The following HIF1A variants were observed in gnomAD, a reference collection of about 807,000 sequenced individuals.
HIF1A encodes the protein hypoxia inducible factor 1 subunit alpha, also known as hypoxia-inducible factor 1-alpha.
HIF1A carries 24 observed loss-of-function variants against 92.7 expected under a neutral mutation model. The observed-to-expected ratio is 0.26, with a 90% CI of 0.19 to 0.36. The LOEUF (loss-of-function observed/expected upper bound fraction) is 0.36, where lower values mean the gene tolerates loss of function less well. Among genes scored for constraint, HIF1A ranks in the 10% least tolerant of loss-of-function variants. The pLI is 1.00. For missense variants in HIF1A, 799 were observed against 998.5 expected (o/e 0.80, Z 2.69); for synonymous variants, 319 against 338.7 (o/e 0.94, Z 0.64).
chr14:61,732,576 C>T (rs1419103302), intron 7 of HIF1A, 52 bp downstream of exon 7: 6 of 1,124,784 alleles, frequency 5.3e-6, no homozygotes, highest in Admixed American at 5.3e-5. Flanking sequence ...ACTGTTGCAA[C>T]CTCTGTACAG....
chr14:61,717,652 T>G (rs1473561963), intron 1 of HIF1A, among the ~76,000 whole-genome samples: 1 of 152,202 alleles, frequency 6.6e-6, no homozygotes, highest in Non-Finnish European at 1.5e-5. Context: ...CCTTAGATAG[T>G]CATTGCTATC....
chr14:61,708,906 C>CT (rs1008017951), intron 1 of HIF1A, among the ~76,000 whole-genome samples: 12 of 151,848 alleles, frequency 7.9e-5, no homozygotes, highest in African/African-American at 2.2e-4. Context: ...CACAATACTT[C>CT]TTTTTTTTGA....
intron 12 of HIF1A, among the ~76,000 whole-genome samples, chr14:61,742,477 C>T (rs2044723730): frequency 6.6e-6 from 1 of 152,152 alleles, no homozygotes; most frequent in Admixed American, 6.5e-5. Context: ...ACTTTATTTA[C>T]TGTGTCACTT....
At chr14:61,745,957 C>T (rs4902082) in intron 14 of HIF1A, 140 bp downstream of exon 14, 515,739 of 683,128 alleles carry the variant, frequency 0.75, 204,709 homozygotes, top group Non-Finnish European at 0.82. Context: ...GGCGCGGTGG[C>T]TCACACCTGT....
At chr14:61,720,137 C>T (rs749782590) in intron 1 of HIF1A, among the ~76,000 whole-genome samples, 7 of 152,104 alleles carry the variant, frequency 4.6e-5, no homozygotes, top group Non-Finnish European at 7.4e-5. Context: ...CACCTGCTTC[C>T]GACAGGTTTA....
intron 10 of HIF1A, among the ~76,000 whole-genome samples, chr14:61,739,529 C>T (rs947954979): frequency 6.6e-5 from 10 of 152,162 alleles, no homozygotes; most frequent in Non-Finnish European, 1.5e-5. Flanking sequence ...TGACATCTCA[C>T]AGCCTTGTGT....
In HIF1A at chr14:61,721,659, A is replaced by G. The variant is rs2044428496; in HGVS notation, c.372+5A>G. The G allele has an allele frequency of 6.2e-7, 1 of 1,612,364 alleles. No individual in the cohort carries two copies. The highest frequency in any genetic ancestry group is 8.5e-7 in the Non-Finnish European group (1 of 1,178,646). The stretch of plus-strand genomic sequence containing the variant: ...AAATACATGGGATTAACTCAGGTAA[A>G]ATGCACACATATTAAGAGCTCTTCT... On this transcript the variant is annotated splice_donor_5th_base_variant and intron_variant, in intron 3 of 14. Coordinates refer to ENST00000337138, the MANE Select transcript of HIF1A (RefSeq NM_001530.4).
chr14:61,729,172 A>C (rs555595993), intron 6 of HIF1A, among the ~76,000 whole-genome samples: 1 of 152,266 alleles, frequency 6.6e-6, no homozygotes, highest in South Asian at 2.1e-4. Flanking sequence ...CTATAAAATA[A>C]GAATCATGGC....
intron 6 of HIF1A, among the ~76,000 whole-genome samples, chr14:61,728,505 T>C (rs1174246788): frequency 6.6e-6 from 1 of 152,214 alleles, no homozygotes; most frequent in Non-Finnish European, 1.5e-5. Context: ...AACAACATCA[T>C]CATCAAAAAC....
chr14:61,727,572 A>G lies in HIF1A; in HGVS notation c.690A>G (p.Pro230=), dbSNP rs964452784. 7 of 1,613,900 alleles carry G rather than the reference A, an allele frequency of 4.3e-6. No individual in the cohort carries two copies. The highest frequency in any genetic ancestry group is 3.3e-5 in the Admixed American group (2 of 60,016). The change falls in exon 6 of 15, where the codon CCA becomes CCG. Residue 230 remains proline, a synonymous_variant. Coordinates refer to ENST00000337138, the MANE Select transcript of HIF1A (RefSeq NM_001530.4). The part of the protein sequence containing the change: ...LVLICEPIPH[P]SNIEIPLDSK... Reference sequence around the variant, plus strand: ...TGATTTGTGAACCCATTCCTCACCCATCAAATATTGAAATTCCTTTAGATA... The same window carrying G: ...TGATTTGTGAACCCATTCCTCACCCGTCAAATATTGAAATTCCTTTAGATA...
intron 1 of HIF1A, 98 bp downstream of exon 1, chr14:61,695,937 G>A (rs185842207): frequency 3.3e-5 from 37 of 1,134,266 alleles, no homozygotes; most frequent in African/African-American, 7.9e-5. Flanking sequence ...AATGGGATTG[G>A]GGGGGGCAGC....
intron 4 of HIF1A, among the ~76,000 whole-genome samples, chr14:61,725,411 AT>A (rs1400989793): frequency 4.0e-5 from 3 of 74,840 alleles, no homozygotes; most frequent in Admixed American, 1.6e-4. Context: ...CTAGTTCCTT[AT>A]TTTTTTTAAT....
chr14:61,728,019 CAA>C (rs61241012), intron 6 of HIF1A, among the ~76,000 whole-genome samples: 91,917 of 143,364 alleles, frequency 0.64, 32,637 homozygotes, highest in Non-Finnish European at 0.78. Context: ...ACTCCCATTT[CAA>C]AAAAAAAAAA....
At chr14:61,706,161 A>G (rs1594858503) in intron 1 of HIF1A, among the ~76,000 whole-genome samples, 1 of 152,336 alleles carries the variant, frequency 6.6e-6, no homozygotes, top group East Asian at 1.9e-4. Context: ...CAAGCTGAGA[A>G]GGAAGCAATG....
rs139124185 is a variant in HIF1A at position 61,744,100 on chromosome 14, A to G, written c.2094-605A>G. On this transcript the variant is annotated intron_variant, in intron 12 of 14. Coordinates refer to ENST00000337138, the MANE Select transcript of HIF1A (RefSeq NM_001530.4). ...CTTGTATTTCAATAGTCCCAACAAT[A>G]TCACTGCATTGTTATATTAGGTGGA... Among the ~76,000 whole-genome samples the G allele has an allele frequency of 1.3e-3, 198 of 152,346 alleles. 1 individual carries two copies. The highest frequency in any genetic ancestry group is 4.1e-3 in the African/African-American group (172 of 41,576).
At chr14:61,705,578 A>G (rs935085251) in intron 1 of HIF1A, among the ~76,000 whole-genome samples, 2 of 152,130 alleles carry the variant, frequency 1.3e-5, no homozygotes, top group African/African-American at 2.4e-5. Flanking sequence ...AATTTCTTGA[A>G]TCTTTTAATT....
intron 1 of HIF1A, among the ~76,000 whole-genome samples, chr14:61,699,376 T>C (rs931709568): frequency 6.6e-6 from 1 of 152,214 alleles, no homozygotes; most frequent in Non-Finnish European, 1.5e-5. Flanking sequence ...GGCTCAGGGT[T>C]TAGATTTTGT....
At position 61,737,105 on chromosome 14, in the gene HIF1A, C is replaced by G; in HGVS notation, c.1245C>G (p.Ser415Arg). ...GDTIISLDFG[S>R]NDTETDDQQL... ...CAATCATATCTTTAGATTTTGGCAGCAACGGTGAGTAGTTATTTTTGTTAA... is the reference window on the plus strand; with the variant it reads ...CAATCATATCTTTAGATTTTGGCAGGAACGGTGAGTAGTTATTTTTGTTAA... Residue 415 changes from serine to arginine, a missense_variant, in exon 9 of 15, where the codon AGC becomes AGG. By Grantham distance (110) the Ser-to-Arg change is moderately radical (BLOSUM62 -1). This residue lies in a region of HIF1A where 516 missense variants were observed against 721.0 expected (regional missense o/e 0.72). Coordinates refer to ENST00000337138, the MANE Select transcript of HIF1A (RefSeq NM_001530.4). 1 of 1,611,990 alleles carries G rather than the reference C, an allele frequency of 6.2e-7. No homozygotes were observed.
chr14:61,730,458 C>G (rs866753535), intron 6 of HIF1A, among the ~76,000 whole-genome samples: 2 of 152,178 alleles, frequency 1.3e-5, no homozygotes, highest in African/African-American at 2.4e-5. Flanking sequence ...ATCCCCCTAC[C>G]TACTTCTTCA....
Sources: gnomAD v4.1 joint callset for allele counts (sites outside exome capture counted in the v4.1 genomes callset) on GRCh38, gnomAD v4.1.1 for gene constraint, gnomAD v4.1.1 regional missense constraint, MANE v1.5 for transcripts, NCBI Gene and HGNC (gene_info 2026-07-23, HGNC 2026-07-21) for gene names.